Variants in RPS6KA5 observed in about 807,000 individuals in gnomAD.
The protein encoded by RPS6KA5 is ribosomal protein S6 kinase alpha-5.
A neutral mutation model predicts 85.5 loss-of-function variants in RPS6KA5; 27 were observed. The observed-to-expected ratio is 0.32, with a 90% CI of 0.23 to 0.44. RPS6KA5 has a LOEUF of 0.44. Ranked by LOEUF, RPS6KA5 falls within the 20% of genes least tolerant of loss-of-function variation. RPS6KA5 has a pLI of 1.00. For missense variants in RPS6KA5, 811 were observed against 980.9 expected (o/e 0.83, Z 2.31); for synonymous variants, 334 against 348.2 (o/e 0.96, Z 0.46).
chr14:91,015,290 T>A (rs1052212402), intron 1 of RPS6KA5, among the ~76,000 whole-genome samples: 1 of 152,140 alleles, frequency 6.6e-6, no homozygotes, highest in Non-Finnish European at 1.5e-5. Flanking sequence ...GCATTCCTTA[T>A]CCTCAAATTA....
At chr14:91,019,705 A>G (rs1205824696) in intron 1 of RPS6KA5, among the ~76,000 whole-genome samples, 2 of 152,194 alleles carry the variant, frequency 1.3e-5, no homozygotes, top group Non-Finnish European at 1.5e-5. Flanking sequence ...TTCTCTCACA[A>G]TGCTTGGCAG....
chr14:90,965,151 T>C (rs1595356503), intron 3 of RPS6KA5, among the ~76,000 whole-genome samples: 1 of 152,040 alleles, frequency 6.6e-6, no homozygotes, highest in East Asian at 1.9e-4. Flanking sequence ...ATCCCAGCAC[T>C]TTGTAAGGCA....
Position 90,872,233 on chromosome 14 carries a change from G to A in RPS6KA5, c.2250C>T (p.Ser750=). ...AACTGCTGCGCGTCTCGGTACTGGTGCTAGTCTTTTTCATTTTTCTTCTCT... is the reference window on the plus strand; with the variant it reads ...AACTGCTGCGCGTCTCGGTACTGGTACTAGTCTTTTTCATTTTTCTTCTCT... ...LAKRRKMKKT[S]TSTETRSSSS... is the part of the protein sequence containing the mutation. The change falls in exon 17 of 17, where the codon AGC becomes AGT. Residue 750 remains serine (S), a synonymous_variant. Transcript: ENST00000614987. 2 of 1,614,014 alleles carry A rather than the reference G, an allele frequency of 1.2e-6. No homozygotes were observed. The highest frequency in any genetic ancestry group is 1.7e-6 in the Non-Finnish European group (2 of 1,180,008).
At chr14:90,979,744 G>A (rs1366528041) in intron 2 of RPS6KA5, among the ~76,000 whole-genome samples, 2 of 152,210 alleles carry the variant, frequency 1.3e-5, no homozygotes, top group Non-Finnish European at 2.9e-5. Context: ...TAAACATATC[G>A]ATTCACTTAA....
At chr14:90,984,299 T>C (rs1346557184) in intron 2 of RPS6KA5, among the ~76,000 whole-genome samples, 1 of 152,248 alleles carries the variant, frequency 6.6e-6, no homozygotes, top group Non-Finnish European at 1.5e-5. Flanking sequence ...TGGCTGATAT[T>C]TGAGACCAAA....
At chr14:91,004,604 T>C (rs1272685484) in intron 1 of RPS6KA5, among the ~76,000 whole-genome samples, 1 of 152,154 alleles carries the variant, frequency 6.6e-6, no homozygotes, top group East Asian at 1.9e-4. Flanking sequence ...AATTCACTTA[T>C]TTAAATGAAC....
chr14:90,912,469 G>A (rs2035877898), intron 7 of RPS6KA5, among the ~76,000 whole-genome samples: 1 of 152,170 alleles, frequency 6.6e-6, no homozygotes, highest in South Asian at 2.1e-4. Flanking sequence ...TTGAGTCCCA[G>A]GCAAGTTACA....
At chr14:90,977,826 G>A (rs7148761) in intron 3 of RPS6KA5, among the ~76,000 whole-genome samples, 2,754 of 152,236 alleles carry the variant, frequency 0.018, 66 homozygotes, top group African/African-American at 0.064. Context: ...AGGCCAAGGC[G>A]GGCAGATCAC....
chr14:90,978,586 G>T, intron 2 of RPS6KA5, 62 bp from the exon 3 acceptor site: 1 of 1,272,588 alleles, frequency 7.9e-7, no homozygotes, highest in Non-Finnish European at 1.1e-6. Flanking sequence ...TGGTAATTTA[G>T]TGCAACTAAA....
chr14:90,976,353 G>A (rs552117597), intron 3 of RPS6KA5, among the ~76,000 whole-genome samples: 73 of 152,174 alleles, frequency 4.8e-4, no homozygotes, highest in African/African-American at 1.7e-3. Flanking sequence ...TATTGTCAAG[G>A]GAGAAACTTG....
chr14:91,055,520 C>T (rs11851633), intron 1 of RPS6KA5, among the ~76,000 whole-genome samples: 10 of 152,146 alleles, frequency 6.6e-5, no homozygotes, highest in African/African-American at 2.4e-4. Flanking sequence ...TGGCTCACAC[C>T]CGTAATCTCA....
At chr14:90,881,414 C>T (rs1357390222) in intron 14 of RPS6KA5, among the ~76,000 whole-genome samples, 5 of 150,242 alleles carry the variant, frequency 3.3e-5, no homozygotes, top group Non-Finnish European at 7.4e-5. Context: ...GATTGTGCCA[C>T]TGCACTCCAG....
chr14:90,896,591 T>A (rs1012357833), intron 12 of RPS6KA5, among the ~76,000 whole-genome samples: 18 of 152,180 alleles, frequency 1.2e-4, no homozygotes, highest in Non-Finnish European at 2.4e-4. Context: ...GGAGGCAAGA[T>A]CTTAGAGTGA....
chr14:90,883,270 G>A (rs1278715293), intron 14 of RPS6KA5, among the ~76,000 whole-genome samples: 1 of 152,084 alleles, frequency 6.6e-6, no homozygotes, highest in African/African-American at 2.4e-5. Flanking sequence ...CAATGCATAT[G>A]TTGGTCCTCT....
intron 3 of RPS6KA5, among the ~76,000 whole-genome samples, chr14:90,976,374 C>G (rs751526797): frequency 1.8e-4 from 27 of 152,108 alleles, no homozygotes; most frequent in Admixed American, 5.9e-4. Flanking sequence ...AAAAGATAAT[C>G]ATTTCTCAAA....
At chr14:90,945,717 T>C (rs1281046696) in intron 4 of RPS6KA5, among the ~76,000 whole-genome samples, 1 of 152,196 alleles carries the variant, frequency 6.6e-6, no homozygotes, top group African/African-American at 2.4e-5. Flanking sequence ...TCACATAAAT[T>C]AAAAACCGGA....
intron 3 of RPS6KA5, among the ~76,000 whole-genome samples, chr14:90,975,071 T>G (rs1395041924): frequency 6.6e-6 from 1 of 152,164 alleles, no homozygotes; most frequent in Middle Eastern, 3.2e-3. Context: ...GGGTATATAA[T>G]AAGGTTCATG....
intron 1 of RPS6KA5, among the ~76,000 whole-genome samples, chr14:91,035,847 C>CAAAAAAAAAAAAAAAAAAAA (rs199625173): frequency 4.3e-5 from 3 of 69,908 alleles, no homozygotes; most frequent in Admixed American, 1.8e-4. Context: ...CCCTCACCTT[C>CAAAAAAAAAAAAAAAAAAAA]AAAAAAAAAA....
At chr14:91,026,460 A>G (rs2041994618) in intron 1 of RPS6KA5, among the ~76,000 whole-genome samples, 1 of 152,072 alleles carries the variant, frequency 6.6e-6, no homozygotes, top group Non-Finnish European at 1.5e-5. Flanking sequence ...CCAACTCCTG[A>G]GCTCAAGCAA....
Sources: allele counts gnomAD v4.1 joint callset (sites outside exome capture counted in the v4.1 genomes callset), GRCh38; gene constraint gnomAD v4.1.1; transcripts MANE v1.5; gene names NCBI Gene and HGNC (gene_info 2026-07-23, HGNC 2026-07-21).